ANGPT1: variants seen among roughly 807,000 people sequenced by gnomAD.
ANGPT1 encodes angiopoietin-1.
Under a neutral mutation model 62.2 loss-of-function variants are expected in ANGPT1, and 17 were observed. The observed-to-expected ratio is 0.27, with a 90% CI of 0.19 to 0.41. The LOEUF is 0.41. Ranked by LOEUF, ANGPT1 falls within the 10% of genes least tolerant of loss-of-function variation. ANGPT1 has a pLI of 1.00. For synonymous variants in ANGPT1, 199 were observed against 198.9 expected (o/e 1.00, Z 0.00); for missense variants, 478 against 594.9 (o/e 0.80, Z 2.04).
chr8:107,464,051 A>G (rs1022594372), intron 1 of ANGPT1, among the ~76,000 whole-genome samples: 1 of 152,168 alleles, frequency 6.6e-6, no homozygotes, highest in African/African-American at 2.4e-5. Context: ...GTGAGAGCCA[A>G]TTTAGTGTGG....
chr8:107,440,078 A>G (rs1263471917), intron 1 of ANGPT1, among the ~76,000 whole-genome samples: 7 of 152,174 alleles, frequency 4.6e-5, no homozygotes, highest in African/African-American at 1.7e-4. Context: ...ATGGCAGAAC[A>G]TCTAAGTAAA....
chr8:107,409,243 C>G (rs1251235544), intron 1 of ANGPT1, among the ~76,000 whole-genome samples: 1 of 152,174 alleles, frequency 6.6e-6, no homozygotes, highest in Admixed American at 6.5e-5. Context: ...GCCCCAAAGT[C>G]AATTCTGTCA....
rs144979932 is a variant in ANGPT1, at chr8:107,460,640, A to G, written c.297+36622T>C. Among the ~76,000 whole-genome samples, 310 of 152,312 alleles carry G rather than the reference A, an allele frequency of 2.0e-3. 3 individuals are homozygous for G. Among genetic ancestry groups the G allele is most frequent in the Admixed American group, 0.014 (215 of 15,278 alleles). ...ATTTCTGCAACAAACACACACAAAT[A>G]TGCAGAGAACATGATGTGCTAGTCA... On this transcript the variant is annotated intron_variant, in intron 1 of 8. Coordinates refer to ENST00000517746, the MANE Select transcript of ANGPT1 (RefSeq NM_001146.5).
intron 2 of ANGPT1, among the ~76,000 whole-genome samples, chr8:107,341,625 C>T (rs1368756800): frequency 6.8e-6 from 1 of 147,314 alleles, no homozygotes; most frequent in African/African-American, 2.5e-5. Flanking sequence ...TGGTAATACC[C>T]TCATTATATA....
intron 1 of ANGPT1, among the ~76,000 whole-genome samples, chr8:107,428,214 T>A (rs73313618): frequency 2.0e-5 from 3 of 152,154 alleles, no homozygotes; most frequent in East Asian, 1.9e-4. Flanking sequence ...CCTTCCCAGA[T>A]GACATTCACC....
At chr8:107,295,180 G>A (rs1392426773) in intron 5 of ANGPT1, 1 of 152,024 alleles carries the variant, frequency 6.6e-6, no homozygotes, top group Non-Finnish European at 1.5e-5. Flanking sequence ...GCCTACTTGT[G>A]GGCATATGAA....
At chr8:107,482,281 T>A (rs998737663) in intron 1 of ANGPT1, among the ~76,000 whole-genome samples, 1 of 152,232 alleles carries the variant, frequency 6.6e-6, no homozygotes, top group Admixed American at 6.5e-5. Context: ...GAAAAGGAAC[T>A]GTAGGGATGG....
At chr8:107,275,621 TG>T (rs1813846298) in intron 7 of ANGPT1, among the ~76,000 whole-genome samples, 1 of 152,134 alleles carries the variant, frequency 6.6e-6, no homozygotes, top group Non-Finnish European at 1.5e-5. Flanking sequence ...CCATCACATA[TG>T]GGTATGCACC....
intron 1 of ANGPT1, among the ~76,000 whole-genome samples, chr8:107,415,372 T>C (rs1810712386): frequency 6.6e-6 from 1 of 152,168 alleles, no homozygotes. Flanking sequence ...AGTGACATTC[T>C]ACCCTAAGTG....
At chr8:107,425,060 A>C (rs1384934202) in intron 1 of ANGPT1, among the ~76,000 whole-genome samples, 1 of 152,092 alleles carries the variant, frequency 6.6e-6, no homozygotes, top group East Asian at 1.9e-4. Flanking sequence ...TTTTTAGTAG[A>C]GACAGGGTTT....
At chr8:107,263,311 A>AC (rs1260981129) in intron 8 of ANGPT1, among the ~76,000 whole-genome samples, 1 of 147,538 alleles carries the variant, frequency 6.8e-6, no homozygotes, top group Non-Finnish European at 1.5e-5. Context: ...CCGAGACAGC[A>AC]CCACTGCACT....
intron 1 of ANGPT1, among the ~76,000 whole-genome samples, chr8:107,437,834 G>GA (rs966440020): frequency 3.4e-4 from 50 of 148,404 alleles, no homozygotes; most frequent in African/African-American, 8.4e-4. Context: ...AAAAGAAAAA[G>GA]AAAAAAAAAA....
intron 2 of ANGPT1, among the ~76,000 whole-genome samples, chr8:107,342,590 G>A (rs1815716818): frequency 6.6e-6 from 1 of 152,062 alleles, no homozygotes; most frequent in South Asian, 2.1e-4. Flanking sequence ...AAAACAAGAT[G>A]GCTGGTCAAA....
intron 8 of ANGPT1, among the ~76,000 whole-genome samples, chr8:107,257,355 G>A (rs148591071): frequency 6.6e-6 from 1 of 152,168 alleles, no homozygotes; most frequent in East Asian, 1.9e-4. Flanking sequence ...TATCTTTGAA[G>A]CAGAAAATTC....
At chr8:107,376,972 T>C (rs974522101) in intron 1 of ANGPT1, among the ~76,000 whole-genome samples, 2 of 152,176 alleles carry the variant, frequency 1.3e-5, no homozygotes, top group Non-Finnish European at 2.9e-5. Flanking sequence ...TTTCTTCTAA[T>C]GCTTGGTCTG....
chr8:107,423,838 T>C (rs1297146718), intron 1 of ANGPT1, among the ~76,000 whole-genome samples: 1 of 126,884 alleles, frequency 7.9e-6, no homozygotes, highest in African/African-American at 3.1e-5. Flanking sequence ...TTTTTTTTTT[T>C]TTTTTTTTTT....
intron 1 of ANGPT1, among the ~76,000 whole-genome samples, chr8:107,381,894 A>G (rs1357454131): frequency 6.6e-6 from 1 of 152,188 alleles, no homozygotes; most frequent in Non-Finnish European, 1.5e-5. Flanking sequence ...TGCCTGGTCC[A>G]TAGCTTTTTC....
chr8:107,433,030 A>G (rs751956667), intron 1 of ANGPT1, among the ~76,000 whole-genome samples: 5 of 152,254 alleles, frequency 3.3e-5, no homozygotes, highest in Non-Finnish European at 5.9e-5. Context: ...ATTAATAAAC[A>G]TTCATATTTC....
chr8:107,465,313 G>A (rs1007191087), intron 1 of ANGPT1, among the ~76,000 whole-genome samples: 1 of 152,132 alleles, frequency 6.6e-6, no homozygotes, highest in African/African-American at 2.4e-5. Flanking sequence ...GCATATATTA[G>A]TAAGAAATGT....
Sources: allele counts gnomAD v4.1 joint callset (sites outside exome capture counted in the v4.1 genomes callset), GRCh38; gene constraint gnomAD v4.1.1; transcripts MANE v1.5; gene names NCBI Gene and HGNC (gene_info 2026-07-23, HGNC 2026-07-21).